Variants in RBL2 observed in about 807,000 individuals in gnomAD.
The protein encoded by RBL2 is RB transcriptional corepressor like 2, also known as retinoblastoma-like protein 2.
In RBL2, 56 loss-of-function variants were observed where a neutral mutation model predicts 126.0. That is an observed-to-expected ratio of 0.44 (90% CI 0.36 to 0.56). RBL2 has a LOEUF of 0.56. Ranked by LOEUF, RBL2 falls within the 20% of genes least tolerant of loss-of-function variation. The probability of loss-of-function intolerance (pLI) is 0.00; values close to 1 mark genes in which losing one functional copy is unlikely to be tolerated. For missense variants in RBL2, 1,229 were observed against 1,398.2 expected, an observed-to-expected ratio of 0.88 and a Z score of 1.93; for synonymous variants, 454 against 478.5, an observed-to-expected ratio of 0.95 and a Z score of 0.67.
At chr16:53,470,714 T>C (rs2058314597) in intron 16 of RBL2, 32 bp from the exon 17 acceptor site, 1 of 1,612,334 alleles carries the variant, frequency 6.2e-7, no homozygotes, top group Non-Finnish European at 8.5e-7. Context: ...ATACAAGTGT[T>C]AAACAAAGTT....
At chr16:53,436,090 C>T (rs915556654) in intron 1 of RBL2, among the ~76,000 whole-genome samples, 2 of 152,166 alleles carry the variant, frequency 1.3e-5, no homozygotes, top group African/African-American at 4.8e-5. Context: ...GCTGAGTAAG[C>T]TATGTTCCTA....
intron 11 of RBL2, 60 bp from the exon 12 acceptor site, chr16:53,464,166 G>A: frequency 7.5e-7 from 1 of 1,338,368 alleles, no homozygotes; most frequent in Non-Finnish European, 1.0e-6. Context: ...AGTTCACTGG[G>A]TATGAAATGA....
rs1450187130 is a variant in RBL2 at position 53,434,549 on chromosome 16, G to A, written c.-8G>A. On this transcript the variant is annotated 5_prime_UTR_variant, in exon 1 of 22. Transcript: ENST00000262133. Reference sequence around the variant, plus strand: ...CTCACCTGAGGTCCGGCCGCCCAGGGGTGCGCTATGCCGTCGGGAGGTGAC... The same window carrying A: ...CTCACCTGAGGTCCGGCCGCCCAGGAGTGCGCTATGCCGTCGGGAGGTGAC... 2.7e-6 allele frequency: 4 copies of A among 1,478,006 alleles called. No homozygotes were observed. Among genetic ancestry groups the A allele is most frequent in the Non-Finnish European group, 1.8e-6 (2 of 1,121,452 alleles). 91.6% of individuals were successfully genotyped at this position (1,478,006 alleles called of 1,614,324 possible).
intron 21 of RBL2, among the ~76,000 whole-genome samples, chr16:53,482,567 T>C (rs1960996138): frequency 6.6e-6 from 1 of 152,134 alleles, no homozygotes; most frequent in South Asian, 2.1e-4. Flanking sequence ...CCCAACACTT[T>C]GGGAGGCCAC....
intron 21 of RBL2, among the ~76,000 whole-genome samples, chr16:53,486,095 G>A (rs1210633907): frequency 6.9e-6 from 1 of 144,148 alleles, no homozygotes; most frequent in Non-Finnish European, 1.5e-5. Flanking sequence ...TTCAAGACCA[G>A]CCTGGGCAAC....
chr16:53,453,439 C>G lies in RBL2; in HGVS notation c.767-13C>G. On this transcript the variant is annotated splice_polypyrimidine_tract_variant and intron_variant, in intron 5 of 21. Coordinates refer to ENST00000262133, the MANE Select transcript of RBL2 (RefSeq NM_005611.4). ...GTGCTGATATCTCTGTTTTGTGATTCTATACACCATAGGCTTATCTGAAGA... is the reference window on the plus strand; with the variant it reads ...GTGCTGATATCTCTGTTTTGTGATTGTATACACCATAGGCTTATCTGAAGA... 6.2e-7 allele frequency: 1 copy of G among 1,601,850 alleles called. No homozygotes were observed. The highest frequency in any genetic ancestry group is 8.5e-7 in the Non-Finnish European group (1 of 1,172,172).
intron 4 of RBL2, chr16:53,448,830 C>T (rs2058087982): frequency 6.6e-6 from 1 of 152,216 alleles, no homozygotes; most frequent in South Asian, 2.1e-4. Flanking sequence ...AAACTAGCTG[C>T]TGGGAACAAA....
At chr16:53,490,071 T>G in intron 21 of RBL2, 59 bp from the exon 22 acceptor site, 4 of 1,321,834 alleles carry the variant, frequency 3.0e-6, no homozygotes, top group Non-Finnish European at 4.1e-6. Flanking sequence ...ATTCTTTGAC[T>G]TAATACTGAG....
chr16:53,445,754 C>A (rs1159667193), intron 3 of RBL2: 2 of 152,216 alleles, frequency 1.3e-5, no homozygotes, highest in Admixed American at 1.3e-4. Flanking sequence ...TTTTTTAAAA[C>A]ACCAAACCCC....
At chr16:53,469,835 T>C (rs2058303987) in intron 14 of RBL2, 81 bp from the exon 15 acceptor site, 1 of 1,422,434 alleles carries the variant, frequency 7.0e-7, no homozygotes, top group African/African-American at 1.4e-5. Context: ...CTGTAGTTAT[T>C]TTTTAACATA....
chr16:53,441,447 A>T (rs142475666), intron 2 of RBL2, among the ~76,000 whole-genome samples: 1 of 152,354 alleles, frequency 6.6e-6, no homozygotes, highest in African/African-American at 2.4e-5. Context: ...TTTTGTTATC[A>T]TGGAATATTA....
rs756763534 is a variant in RBL2 at position 53,457,258 on chromosome 16, C to CTTTTTTTTTTTTTTTTTTTT, written c.1180-2174_1180-2173insTTTTTTTTTTTTTTTTTTTT. 7.0e-4 allele frequency among the ~76,000 whole-genome samples: 63 copies of CTTTTTTTTTTTTTTTTTTTT among 89,932 alleles called. 9 individuals are homozygous for CTTTTTTTTTTTTTTTTTTTT. The highest frequency in any genetic ancestry group is 2.4e-3 in the African/African-American group (40 of 16,716). 59.0% of individuals were successfully genotyped at this position (89,932 alleles called of 152,430 possible). A position where few individuals can be genotyped will look rare whatever the true frequency, so the allele number is the denominator to read the frequency against. On this transcript the variant is annotated intron_variant, in intron 8 of 21. Transcript: ENST00000262133. The stretch of plus-strand genomic sequence containing the variant: ...GGGTCATCAGGGTGGGTACAGATAG[C>CTTTTTTTTTTTTTTTTTTTT]TTTTTTTTTTTTTTTTTTTGAGATG...
chr16:53,462,904 G>A (rs144313699), intron 11 of RBL2, among the ~76,000 whole-genome samples: 9 of 152,234 alleles, frequency 5.9e-5, no homozygotes, highest in African/African-American at 9.6e-5. Context: ...GTAGTGGCAC[G>A]ATCTCGGCTC....
At chr16:53,461,919 C>T in intron 10 of RBL2, 69 bp downstream of exon 10, 1 of 1,327,132 alleles carries the variant, frequency 7.5e-7, no homozygotes, top group Non-Finnish European at 1.1e-6. Flanking sequence ...TTCTTACTAA[C>T]TAAGAAAGAT....
At chr16:53,440,223 G>T (rs1488680360) in intron 2 of RBL2, among the ~76,000 whole-genome samples, 1 of 151,810 alleles carries the variant, frequency 6.6e-6, no homozygotes, top group East Asian at 1.9e-4. Flanking sequence ...TTGAGCCCAG[G>T]AGGCAGAGGT....
chr16:53,478,663 C>T lies in RBL2; in HGVS notation c.2704-491C>T, dbSNP rs143967432. Among the ~76,000 whole-genome samples, 4 of 150,522 alleles carry T rather than the reference C, an allele frequency of 2.7e-5. No homozygotes were observed. In the East Asian group the frequency reaches 7.9e-4, roughly 30 times the overall value. On this transcript the variant is annotated intron_variant, in intron 17 of 21. Transcript: ENST00000262133. Reference sequence around the variant, plus strand: ...TTTTTGAGAGAGAGTCTTGCTCTGTCACCCAGGCTGTACAGTGGCTCAATC... The same window carrying T: ...TTTTTGAGAGAGAGTCTTGCTCTGTTACCCAGGCTGTACAGTGGCTCAATC...
At chr16:53,456,669 C>G (rs1440570091) in intron 8 of RBL2, among the ~76,000 whole-genome samples, 1 of 152,226 alleles carries the variant, frequency 6.6e-6, no homozygotes. Flanking sequence ...CCACATTAAC[C>G]TCCTTTTTTG....
chr16:53,451,863 T>C (rs758498439), intron 5 of RBL2, 32 bp downstream of exon 5: 1 of 1,609,132 alleles, frequency 6.2e-7, no homozygotes, highest in South Asian at 1.1e-5. Flanking sequence ...TTTTGGGCAA[T>C]CTGCGTTTCT....
At position 53,434,592 on chromosome 16, in the gene RBL2, G is replaced by A; in HGVS notation, c.36G>A (p.Pro12=). ...PSGGDQSPPP[P]PPPPAAAASD... ...GAGGTGACCAGTCGCCACCGCCCCC[G>A]CCTCCCCCTCCGGCGGCGGCAGCCT... Residue 12 remains proline (P), a synonymous_variant, in exon 1 of 22, where the codon CCG becomes CCA. Coordinates refer to ENST00000262133, the MANE Select transcript of RBL2 (RefSeq NM_005611.4). The A allele has an allele frequency of 6.5e-7, 1 of 1,545,688 alleles. No individual in the cohort carries two copies. The highest frequency in any genetic ancestry group is 2.4e-5 in the East Asian group (1 of 41,096).
Sources: allele counts gnomAD v4.1 joint callset (sites outside exome capture counted in the v4.1 genomes callset), GRCh38; gene constraint gnomAD v4.1.1; transcripts MANE v1.5; gene names NCBI Gene and HGNC (gene_info 2026-07-23, HGNC 2026-07-21).